Variants in CCL28 observed in about 807,000 individuals in gnomAD.
CCL28 encodes the protein C-C motif chemokine 28.
In CCL28, 4 loss-of-function variants were observed where a neutral mutation model predicts 7.1. That is an observed-to-expected ratio of 0.56 (90% CI 0.28 to 1.29). The LOEUF is 1.29. Among genes scored for constraint, CCL28 ranks in the 50% most tolerant of loss-of-function variants. The pLI, the probability that CCL28 is intolerant of heterozygous loss-of-function variation, is 0.11. For synonymous variants in CCL28, 55 were observed against 57.8 expected (o/e 0.95, Z 0.22); for missense variants, 151 against 163.4 (o/e 0.92, Z 0.41).
chr5:43,375,285 A>G (rs537723838), downstream of CCL28, among the ~76,000 whole-genome samples: 1 of 148,970 alleles, frequency 6.7e-6, no homozygotes, highest in African/African-American at 2.5e-5. Flanking sequence ...CACTGCGCCC[A>G]ACCAATAGTC....
intron 2 of CCL28, among the ~76,000 whole-genome samples, chr5:43,385,241 A>G (rs188291201): frequency 2.0e-5 from 3 of 152,330 alleles, no homozygotes; most frequent in African/African-American, 7.2e-5. Context: ...AAACATTCAG[A>G]AGCTCATTAA....
At chr5:43,360,475 T>C in the CCL28 span, among the ~76,000 whole-genome samples, 3 of 152,172 alleles carry the variant, frequency 2.0e-5, no homozygotes, top group Non-Finnish European at 4.4e-5. Context: ...TTTGTGTCTA[T>C]GTGTTTACAG....
At chr5:43,408,652 T>C (rs1451435532) in intron 1 of CCL28, among the ~76,000 whole-genome samples, 2 of 151,638 alleles carry the variant, frequency 1.3e-5, no homozygotes. Flanking sequence ...AAAAAATTGG[T>C]GTGGATGTAT....
At chr5:43,402,254 T>G (rs1741067745) in intron 1 of CCL28, among the ~76,000 whole-genome samples, 1 of 152,198 alleles carries the variant, frequency 6.6e-6, no homozygotes, top group East Asian at 1.9e-4. Flanking sequence ...TCTCTTTCTT[T>G]CTAGCCTATC....
chr5:43,364,684 G>A, the CCL28 span, among the ~76,000 whole-genome samples: 1 of 152,028 alleles, frequency 6.6e-6, no homozygotes, highest in African/African-American at 2.4e-5. Flanking sequence ...TTATTGTGCG[G>A]GAGTCTAAGT....
intron 1 of CCL28, among the ~76,000 whole-genome samples, chr5:43,388,936 T>A (rs1740451251): frequency 6.6e-6 from 1 of 152,208 alleles, no homozygotes; most frequent in African/African-American, 2.4e-5. Context: ...AGGCAGGCCA[T>A]AATAATCCCA....
the CCL28 span, among the ~76,000 whole-genome samples, chr5:43,370,943 C>T: frequency 6.6e-6 from 1 of 151,914 alleles, no homozygotes. Context: ...GGTTTCACCA[C>T]ATTGGCCAGG....
At chr5:43,396,960 G>T (rs1170912614) in intron 1 of CCL28, 1 of 152,208 alleles carries the variant, frequency 6.6e-6, no homozygotes, top group African/African-American at 2.4e-5. Context: ...GGTGGCGCGG[G>T]ACGTCGTTTA....
At chr5:43,368,400 T>C in the CCL28 span, among the ~76,000 whole-genome samples, 44 of 152,330 alleles carry the variant, frequency 2.9e-4, 1 homozygote, top group Admixed American at 1.6e-3. Flanking sequence ...CTAAGAACTA[T>C]ATTTCCTTTT....
In CCL28 at chr5:43,388,925, G is replaced by A. The variant is rs377354327; in HGVS notation, c.65-449C>T. Among the ~76,000 whole-genome samples the A allele has an allele frequency of 6.8e-4, 103 of 152,298 alleles. 1 individual carries two copies. The highest frequency in any genetic ancestry group is 2.4e-3 in the African/African-American group (98 of 41,558). ...CTTGTGATGCTTAATAGTCCAGTGG[G>A]AGGCAGGCCATAATAATCCCAACAC... On this transcript the variant is annotated intron_variant, in intron 1 of 2. Transcript: ENST00000361115.
At chr5:43,394,801 T>C (rs1454378910) in intron 1 of CCL28, among the ~76,000 whole-genome samples, 1 of 152,154 alleles carries the variant, frequency 6.6e-6, no homozygotes, top group African/African-American at 2.4e-5. Flanking sequence ...GCTAAATGCC[T>C]AGAACAGTAC....
At position 43,403,277 on chromosome 5, in the gene CCL28, C is replaced by T. The variant is rs915194330; in HGVS notation, c.64+8976G>A. Among the ~76,000 whole-genome samples, 5 of 152,312 alleles carry T rather than the reference C, an allele frequency of 3.3e-5. No individual in the cohort carries two copies. The South Asian group carries it at 1.0e-3, about 32-fold the overall frequency. On this transcript the variant is annotated intron_variant, in intron 1 of 2. Coordinates refer to ENST00000361115, the MANE Select transcript of CCL28 (RefSeq NM_148672.3). The stretch of plus-strand genomic sequence containing the variant: ...ACTCCTCCCAGTAGGGGCCGACTGA[C>T]ACCTCATACAGCCGGGTGACCCTCT...
intron 1 of CCL28, among the ~76,000 whole-genome samples, chr5:43,395,840 T>C (rs1740775877): frequency 6.7e-6 from 1 of 150,344 alleles, no homozygotes; most frequent in African/African-American, 2.4e-5. Flanking sequence ...GGACTATTCA[T>C]GCCTTACCCC....
At chr5:43,408,479 G>T (rs1223076369) in intron 1 of CCL28, among the ~76,000 whole-genome samples, 1 of 152,200 alleles carries the variant, frequency 6.6e-6, no homozygotes, top group Admixed American at 6.5e-5. Context: ...TCACACACCA[G>T]GGCCTGTCGT....
chr5:43,409,255 G>T (rs187598830), intron 1 of CCL28, among the ~76,000 whole-genome samples: 2 of 151,840 alleles, frequency 1.3e-5, no homozygotes, highest in Non-Finnish European at 2.9e-5. Flanking sequence ...GTGAAACCCC[G>T]TCTCTACTAA....
chr5:43,389,701 A>G (rs1740492712), intron 1 of CCL28, among the ~76,000 whole-genome samples: 1 of 152,246 alleles, frequency 6.6e-6, no homozygotes, highest in Non-Finnish European at 1.5e-5. Flanking sequence ...TTTCTCAAAT[A>G]TTAATATAAA....
At chr5:43,377,763 C>G (rs1275994421), downstream of CCL28, among the ~76,000 whole-genome samples, 1 of 88,450 alleles carries the variant, frequency 1.1e-5, no homozygotes, top group Non-Finnish European at 2.0e-5. Flanking sequence ...GACGGAGTCT[C>G]GCTCTGTCGC....
the CCL28 span, among the ~76,000 whole-genome samples, chr5:43,357,694 A>T: frequency 6.6e-6 from 1 of 152,284 alleles, no homozygotes; most frequent in African/African-American, 2.4e-5. Context: ...GGGGGGAAAA[A>T]AAAGGGAAGG....
the CCL28 span, among the ~76,000 whole-genome samples, chr5:43,366,567 A>G: frequency 6.6e-6 from 1 of 152,192 alleles, no homozygotes; most frequent in Non-Finnish European, 1.5e-5. Context: ...GTTCTCCTGT[A>G]TGAAGTGTCT....
Sources: allele counts gnomAD v4.1 joint callset (sites outside exome capture counted in the v4.1 genomes callset), GRCh38; gene constraint gnomAD v4.1.1; transcripts MANE v1.5; gene names NCBI Gene and HGNC (gene_info 2026-07-23, HGNC 2026-07-21).